The following SIRT5 variants were observed in gnomAD, a reference collection of about 807,000 sequenced individuals.
The protein encoded by SIRT5 is sirtuin 5, also known as NAD-dependent protein deacylase sirtuin-5, mitochondrial.
A neutral mutation model predicts 40.0 loss-of-function variants in SIRT5; 26 were observed. The ratio of observed to expected loss-of-function variants is 0.65; its 90% CI spans 0.48 to 0.90. The LOEUF (loss-of-function observed/expected upper bound fraction) is 0.90. Among genes scored for constraint, SIRT5 ranks in the 40% least tolerant of loss-of-function variants. The probability of loss-of-function intolerance (pLI) is 0.00; values close to 1 mark genes in which losing one functional copy is unlikely to be tolerated. For missense variants in SIRT5, 401 were observed against 402.4 expected (o/e 1.00, Z 0.03); for synonymous variants, 146 against 149.1 (o/e 0.98, Z 0.15).
At chr6:13,585,929 G>A (rs1465513895) in intron 3 of SIRT5, among the ~76,000 whole-genome samples, 4 of 152,032 alleles carry the variant, frequency 2.6e-5, no homozygotes, top group Non-Finnish European at 1.5e-5. Context: ...TTTAATGATC[G>A]CCATTCTAAC....
intron 1 of SIRT5, among the ~76,000 whole-genome samples, chr6:13,578,444 C>T (rs1197825715): frequency 6.6e-6 from 1 of 151,876 alleles, no homozygotes; most frequent in East Asian, 1.9e-4. Flanking sequence ...CACGGTGAAA[C>T]CCCGTCTCTA....
chr6:13,588,041 A>G (rs1760308999), intron 3 of SIRT5, among the ~76,000 whole-genome samples: 1 of 152,186 alleles, frequency 6.6e-6, no homozygotes, highest in African/African-American at 2.4e-5. Context: ...AGAGCCAAGG[A>G]CAGTGAGGAT....
chr6:13,604,225 T>TA (rs1762791150), intron 9 of SIRT5, among the ~76,000 whole-genome samples: 1 of 152,246 alleles, frequency 6.6e-6, no homozygotes, highest in Non-Finnish European at 1.5e-5. Flanking sequence ...GATAAAAAGT[T>TA]AAATGATCTT....
At chr6:13,595,404 T>C (rs1761436549) in intron 5 of SIRT5, 73 bp from the exon 6 acceptor site, 1 of 1,143,616 alleles carries the variant, frequency 8.7e-7, no homozygotes, top group South Asian at 1.2e-5. Context: ...AAGTATCTTA[T>C]ACCCTTTTAG....
chr6:13,594,419 CCTT>C (rs535107128), intron 5 of SIRT5, among the ~76,000 whole-genome samples: 236 of 152,376 alleles, frequency 1.5e-3, no homozygotes, highest in African/African-American at 5.4e-3. Flanking sequence ...CTGTCCCCCT[CCTT>C]CTTTCAGCTT....
At position 13,607,946 on chromosome 6, in the gene SIRT5, G is replaced by A. The variant is rs1015547996; in HGVS notation, c.858-3844G>A. Among the ~76,000 whole-genome samples the A allele has an allele frequency of 1.1e-4, 17 of 152,072 alleles. No homozygotes were observed. The highest frequency in any genetic ancestry group is 1.1e-3 in the Admixed American group (17 of 15,296). ...TTTTTTGTATTTTTTTTTTAGTAGA[G>A]ACGGGTTTTCACCACATTGCCCAGG... On this transcript the variant is annotated intron_variant, in intron 9 of 9. Coordinates refer to ENST00000606117, the MANE Select transcript of SIRT5 (RefSeq NM_012241.5). This position sits in a 1 kb window ranked among gnomAD's most constrained non-coding sequence, Gnocchi z 4.0.
intron 3 of SIRT5, among the ~76,000 whole-genome samples, chr6:13,585,400 AC>A (rs966794569): frequency 9.3e-4 from 110 of 117,648 alleles, no homozygotes; most frequent in African/African-American, 3.5e-3. Context: ...CAAGCCCACC[AC>A]CCCCCGACAG....
intron 2 of SIRT5, among the ~76,000 whole-genome samples, chr6:13,582,985 G>A (rs1304969399): frequency 2.0e-5 from 3 of 152,028 alleles, no homozygotes; most frequent in Non-Finnish European, 4.4e-5. Context: ...GTGGGTGGAT[G>A]GCTTGAGCTC....
chr6:13,594,534 A>G (rs1761334278), intron 5 of SIRT5, among the ~76,000 whole-genome samples: 1 of 152,196 alleles, frequency 6.6e-6, no homozygotes, highest in Non-Finnish European at 1.5e-5. Context: ...CCACCTGCTC[A>G]GAAAATAAAC....
intron 1 of SIRT5, among the ~76,000 whole-genome samples, chr6:13,575,579 G>A (rs988220479): frequency 2.6e-5 from 4 of 151,596 alleles, no homozygotes; most frequent in Non-Finnish European, 4.4e-5. Context: ...TATATTTATA[G>A]CGTACAGTGT....
chr6:13,605,487 C>T (rs201428171), intron 9 of SIRT5: 29 of 985,204 alleles, frequency 2.9e-5, no homozygotes, highest in Admixed American at 6.1e-5. Flanking sequence ...AGAATGCTGC[C>T]TATATTTTAA....
In SIRT5 at chr6:13,588,464, G is replaced by A. The variant is rs1420248963; in HGVS notation, c.249G>A (p.Gln83=). 2 of 1,612,954 alleles carry A rather than the reference G, an allele frequency of 1.2e-6. No individual in the cohort carries two copies. Among genetic ancestry groups the A allele is most frequent in the Non-Finnish European group, 1.7e-6 (2 of 1,179,692 alleles). Residue 83 remains glutamine (Q), a splice_region_variant and synonymous_variant, in exon 4 of 10, where the codon CAG becomes CAA. Coordinates refer to ENST00000606117, the MANE Select transcript of SIRT5 (RefSeq NM_012241.5). ...AGGYWRKWQA[Q]DLATPLAFAH... is the part of the protein sequence containing the mutation. ...GTTATTGGAGAAAATGGCAAGCCCA[G>A]GTTTGTAAAGTTTCCAGAACATTAA...
chr6:13,584,288 T>C (rs1562263896), intron 3 of SIRT5, 63 bp downstream of exon 3: 1 of 1,173,080 alleles, frequency 8.5e-7, no homozygotes, highest in Admixed American at 1.7e-5. Context: ...AGTCCTACAC[T>C]TCGAGAGGAA....
chr6:13,611,930 G>T lies in SIRT5; in HGVS notation c.*65G>T. ...CTAGGCCACACGCAGAGGAGAAATGGTCTTATGGGTGGTGAGCTGAGTACT... is the reference window on the plus strand; with the variant it reads ...CTAGGCCACACGCAGAGGAGAAATGTTCTTATGGGTGGTGAGCTGAGTACT... On this transcript the variant is annotated 3_prime_UTR_variant, in exon 10 of 10. Transcript: ENST00000606117. 2.0e-6 allele frequency: 3 copies of T among 1,485,232 alleles called. No homozygotes were observed. The South Asian group carries it at 3.4e-5, about 17-fold the overall frequency. 92.0% of individuals were successfully genotyped at this position (1,485,232 alleles called of 1,614,324 possible). A position where few individuals can be genotyped will look rare whatever the true frequency, so the allele number is the denominator to read the frequency against.
At chr6:13,590,292 C>G (rs994148495) in intron 4 of SIRT5, among the ~76,000 whole-genome samples, 1 of 152,152 alleles carries the variant, frequency 6.6e-6, no homozygotes, top group East Asian at 1.9e-4. Flanking sequence ...CCTTTCCCTG[C>G]CAGCTCCCAG....
chr6:13,591,203 T>A (rs1760858416), intron 4 of SIRT5, among the ~76,000 whole-genome samples: 1 of 152,192 alleles, frequency 6.6e-6, no homozygotes, highest in Non-Finnish European at 1.5e-5. Context: ...TAGCCATAGC[T>A]ATAGTTACAA....
Position 13,595,581 on chromosome 6 carries a change from A to G in SIRT5, c.563+17A>G, listed in dbSNP as rs1761465913. The G allele has an allele frequency of 6.4e-7, 1 of 1,562,448 alleles. No individual in the cohort carries two copies. Among genetic ancestry groups the G allele is most frequent in the African/African-American group, 1.4e-5 (1 of 73,900 alleles). The stretch of plus-strand genomic sequence containing the variant: ...AGGAAAAGGGTAATTATACCACACT[A>G]CAGAATAAGTATAGGTTGTTTTCTC... On this transcript the variant is annotated intron_variant, in intron 6 of 9. Transcript: ENST00000606117.
chr6:13,611,857 G>A lies in SIRT5; in HGVS notation c.925G>A (p.Val309Ile). 6.2e-7 allele frequency: 1 copy of A among 1,613,882 alleles called. No homozygotes were observed. Among genetic ancestry groups the A allele is most frequent in the Non-Finnish European group, 8.5e-7 (1 of 1,179,826 alleles). The change falls in exon 10 of 10, where the codon GTT becomes ATT. Residue 309 changes from valine (V) to isoleucine (I), a missense_variant. Transcript: ENST00000606117. ...EALACHENET[V>I]S Reference sequence around the variant, plus strand: ...CCTTGCCTGTCATGAAAATGAAACTGTTTCTTAAGTGTCCTGGGGAAGAAA... The same window carrying A: ...CCTTGCCTGTCATGAAAATGAAACTATTTCTTAAGTGTCCTGGGGAAGAAA...
intron 8 of SIRT5, 27 bp downstream of exon 8, chr6:13,599,182 G>C (rs753270162): frequency 2.4e-5 from 38 of 1,608,342 alleles, no homozygotes; most frequent in Non-Finnish European, 3.2e-5. Flanking sequence ...CCTAACCCCA[G>C]GACAGGACTG....
Sources: allele counts gnomAD v4.1 joint callset (sites outside exome capture counted in the v4.1 genomes callset), GRCh38; gene constraint gnomAD v4.1.1; non-coding constraint Gnocchi (gnomAD v3.1); transcripts MANE v1.5; gene names NCBI Gene and HGNC (gene_info 2026-07-23, HGNC 2026-07-21).